The following ELP4 variants were observed in gnomAD, a reference collection of about 807,000 sequenced individuals.
The protein encoded by ELP4 is elongator complex protein 4.
In ELP4, 51 loss-of-function variants were observed where a neutral mutation model predicts 48.9. The ratio of observed to expected loss-of-function variants is 1.04; its 90% CI spans 0.83 to 1.32. ELP4 has a LOEUF of 1.32. Ranked by LOEUF, ELP4 falls within the 40% of genes most tolerant of loss-of-function variation. ELP4 has a pLI of 0.00. For missense variants in ELP4, 519 were observed against 514.6 expected (o/e 1.01, Z -0.08); for synonymous variants, 210 against 189.2 (o/e 1.11, Z -0.90).
intron 9 of ELP4, among the ~76,000 whole-genome samples, chr11:31,756,193 C>T (rs1394550897): frequency 6.6e-6 from 1 of 152,110 alleles, no homozygotes; most frequent in African/African-American, 2.4e-5. Context: ...TCCAGTGTTG[C>T]CCAGCCTGTT....
At chr11:31,563,076 ATACT>A (rs1380436436) in intron 3 of ELP4, among the ~76,000 whole-genome samples, 14 of 152,206 alleles carry the variant, frequency 9.2e-5, no homozygotes, top group Admixed American at 7.2e-4. Flanking sequence ...ACAAAGTAAC[ATACT>A]TACTGATACA....
chr11:31,698,702 A>G (rs1402690429), intron 9 of ELP4, among the ~76,000 whole-genome samples: 2 of 152,112 alleles, frequency 1.3e-5, no homozygotes, highest in East Asian at 3.9e-4. Flanking sequence ...CATGAGCACC[A>G]TGCCTGACCT....
intron 1 of ELP4, chr11:31,511,683 CG>C (rs990209565): frequency 6.6e-6 from 1 of 152,126 alleles, no homozygotes; most frequent in African/African-American, 2.4e-5. Context: ...GAAATTTTTA[CG>C]TATTCTTTCC....
At chr11:31,627,000 AAT>A in intron 5 of ELP4, 108 bp from the exon 6 acceptor site, 3 of 608,072 alleles carry the variant, frequency 4.9e-6, no homozygotes, top group Non-Finnish European at 8.9e-6. Flanking sequence ...ATTCTTAAGT[AAT>A]CTAATAAATG....
At chr11:31,552,372 A>G (rs1018843382) in intron 3 of ELP4, among the ~76,000 whole-genome samples, 7 of 152,086 alleles carry the variant, frequency 4.6e-5, no homozygotes, top group East Asian at 1.9e-4. Flanking sequence ...CAGAGCTGCT[A>G]TTGCCTTCTG....
intron 3 of ELP4, among the ~76,000 whole-genome samples, chr11:31,568,367 G>A (rs1009816576): frequency 2.6e-5 from 4 of 152,162 alleles, no homozygotes; most frequent in Non-Finnish European, 4.4e-5. Context: ...ACTGCTCATA[G>A]CAATTTAAGG....
intron 3 of ELP4, among the ~76,000 whole-genome samples, chr11:31,581,622 T>A (rs1957393932): frequency 6.6e-6 from 1 of 152,180 alleles, no homozygotes; most frequent in African/African-American, 2.4e-5. Flanking sequence ...ATTATATGCC[T>A]TGTTGTAGGT....
At chr11:31,528,511 A>G (rs1437955677) in intron 2 of ELP4, among the ~76,000 whole-genome samples, 4 of 152,124 alleles carry the variant, frequency 2.6e-5, no homozygotes, top group Admixed American at 1.3e-4. Context: ...CAGTATGTAT[A>G]TTAGATTCTA....
chr11:31,591,542 C>T (rs183447725), intron 3 of ELP4, among the ~76,000 whole-genome samples: 2 of 151,862 alleles, frequency 1.3e-5, no homozygotes, highest in East Asian at 3.9e-4. Context: ...AAATCCAAAC[C>T]GCATTGAGAT....
intron 1 of ELP4, among the ~76,000 whole-genome samples, chr11:31,518,415 A>T (rs1182944207): frequency 6.6e-6 from 1 of 151,826 alleles, no homozygotes; most frequent in African/African-American, 2.4e-5. Context: ...CATAAAATTA[A>T]TTTTTAAATT....
Position 31,723,309 on chromosome 11 carries a change from G to C in ELP4, c.1144-60084G>C, listed in dbSNP as rs538082847. 2.0e-5 allele frequency among the ~76,000 whole-genome samples: 3 copies of C among 152,226 alleles called. No homozygotes were observed. In the East Asian group the frequency reaches 5.8e-4, roughly 29 times the overall value. ...TACCCATCCTAGAGGCCAGGGGACA[G>C]GGACTGCATAGTAACCAACACCACC... On this transcript the variant is annotated intron_variant, in intron 9 of 9. Transcript: ENST00000640961.
chr11:31,671,860 T>A (rs1341865091), intron 9 of ELP4, among the ~76,000 whole-genome samples: 1 of 152,160 alleles, frequency 6.6e-6, no homozygotes, highest in Non-Finnish European at 1.5e-5. Flanking sequence ...GCATACAGAA[T>A]TCTGTGAACC....
chr11:31,744,787 T>G (rs1430230759), intron 9 of ELP4, among the ~76,000 whole-genome samples: 4 of 152,012 alleles, frequency 2.6e-5, no homozygotes, highest in African/African-American at 4.8e-5. Context: ...AATATCATAC[T>G]GAATGGGCAA....
chr11:31,779,532 G>C (rs930690401), intron 9 of ELP4, among the ~76,000 whole-genome samples: 1 of 152,192 alleles, frequency 6.6e-6, no homozygotes, highest in South Asian at 2.1e-4. Flanking sequence ...GGCAAGTAGA[G>C]GGGAAAGAAT....
intron 9 of ELP4, among the ~76,000 whole-genome samples, chr11:31,655,991 A>G (rs555879990): frequency 3.3e-5 from 5 of 152,112 alleles, no homozygotes; most frequent in African/African-American, 1.2e-4. Context: ...ATATAAGGAA[A>G]TTGTTTCTAA....
chr11:31,519,924 G>A, intron 1 of ELP4, 132 bp from the exon 2 acceptor site: 1 of 696,970 alleles, frequency 1.4e-6, no homozygotes. Flanking sequence ...GTATTGCAAA[G>A]GTAATTAAAA....
At chr11:31,541,439 TTGC>T (rs1450018722) in intron 3 of ELP4, 1 of 152,204 alleles carries the variant, frequency 6.6e-6, no homozygotes, top group Non-Finnish European at 1.5e-5. Flanking sequence ...AGTGCTACAC[TTGC>T]TAGGAGCAGT....
At chr11:31,722,445 A>G (rs1946983527) in intron 9 of ELP4, among the ~76,000 whole-genome samples, 1 of 152,186 alleles carries the variant, frequency 6.6e-6, no homozygotes, top group African/African-American at 2.4e-5. Flanking sequence ...CTATATTCAG[A>G]TAGTTTAATA....
At chr11:31,782,160 T>G (rs1002575282) in intron 9 of ELP4, among the ~76,000 whole-genome samples, 2 of 152,240 alleles carry the variant, frequency 1.3e-5, no homozygotes, top group Non-Finnish European at 2.9e-5. Flanking sequence ...TTTTCATAAA[T>G]TATTTTTAGT....
Sources: allele counts gnomAD v4.1 joint callset (sites outside exome capture counted in the v4.1 genomes callset), GRCh38; gene constraint gnomAD v4.1.1; transcripts MANE v1.5; gene names NCBI Gene and HGNC (gene_info 2026-07-23, HGNC 2026-07-21).